Variants in PRR16 observed in about 807,000 individuals in gnomAD.
PRR16 encodes protein Largen.
In PRR16, 6 loss-of-function variants were observed where a neutral mutation model predicts 18.2. The observed-to-expected ratio is 0.33, with a 90% confidence interval of 0.18 to 0.65. PRR16 has a LOEUF of 0.65. Ranked by LOEUF, PRR16 falls within the 30% of genes least tolerant of loss-of-function variation. The pLI, the probability that PRR16 is intolerant of heterozygous loss-of-function variation, is 0.74. For synonymous variants in PRR16, 151 were observed against 147.8 expected, an observed-to-expected ratio of 1.02 and a Z score of -0.16; for missense variants, 412 against 376.6, an observed-to-expected ratio of 1.09 and a Z score of -0.78.
At chr5:120,473,232 A>G (rs1009687812) in intron 1 of PRR16, among the ~76,000 whole-genome samples, 1 of 152,180 alleles carries the variant, frequency 6.6e-6, no homozygotes, top group Non-Finnish European at 1.5e-5. Context: ...TGTTTATCCA[A>G]TTATATATAG....
chr5:120,671,115 A>G (rs898677455), intron 1 of PRR16, among the ~76,000 whole-genome samples: 1 of 152,070 alleles, frequency 6.6e-6, no homozygotes, highest in Non-Finnish European at 1.5e-5. Context: ...ATGTGCACAT[A>G]TACACACACA....
chr5:120,754,844 A>G, the PRR16 span, among the ~76,000 whole-genome samples: 1 of 151,216 alleles, frequency 6.6e-6, no homozygotes, highest in East Asian at 1.9e-4. Flanking sequence ...ATATGGATCA[A>G]AACCTCGTAG....
intron 1 of PRR16, among the ~76,000 whole-genome samples, chr5:120,666,402 A>G (rs1283059581): frequency 5.3e-5 from 8 of 152,080 alleles, no homozygotes; most frequent in African/African-American, 1.9e-4. Context: ...TGTCATCTGC[A>G]AACAGGGACA....
intron 1 of PRR16, among the ~76,000 whole-genome samples, chr5:120,660,498 T>C (rs1387931183): frequency 6.6e-6 from 1 of 152,112 alleles, no homozygotes; most frequent in Non-Finnish European, 1.5e-5. Context: ...TTTTAAATTA[T>C]GAACACTTTT....
chr5:120,780,790 C>T, the PRR16 span, among the ~76,000 whole-genome samples: 3 of 152,168 alleles, frequency 2.0e-5, no homozygotes, highest in Non-Finnish European at 2.9e-5. Context: ...CGGGCTCAAG[C>T]CTGTAATCCC....
At chr5:120,489,842 G>T (rs1460007814) in intron 1 of PRR16, among the ~76,000 whole-genome samples, 1 of 152,106 alleles carries the variant, frequency 6.6e-6, no homozygotes, top group African/African-American at 2.4e-5. Context: ...TTTAGGGCAG[G>T]CCTGGTGGTG....
the PRR16 span, among the ~76,000 whole-genome samples, chr5:120,776,764 A>G: frequency 6.6e-6 from 1 of 152,078 alleles, no homozygotes; most frequent in Non-Finnish European, 1.5e-5. Flanking sequence ...CTCTCATATC[A>G]AAATTTGCAG....
chr5:120,793,659 A>G, the PRR16 span, among the ~76,000 whole-genome samples: 3 of 152,204 alleles, frequency 2.0e-5, no homozygotes, highest in African/African-American at 7.2e-5. Flanking sequence ...AGAATAAAAC[A>G]GTACGAAGAG....
At position 120,686,341 on chromosome 5, in the gene PRR16, C is replaced by G; in HGVS notation, c.547C>G (p.Pro183Ala). The G allele has an allele frequency of 6.2e-7, 1 of 1,614,158 alleles. No homozygotes were observed. The highest frequency in any genetic ancestry group is 8.5e-7 in the Non-Finnish European group (1 of 1,180,020). Reference sequence around the variant, plus strand: ...ACCCAACAGTAACTTGGACAAGGCTCCAGTCCAGCTTCTGATGCATAGACC... The same window carrying G: ...ACCCAACAGTAACTTGGACAAGGCTGCAGTCCAGCTTCTGATGCATAGACC... Reference protein sequence around the residue: ...CIPNSNLDKAPVQLLMHRPEK... With the variant: ...CIPNSNLDKAAVQLLMHRPEK... The change falls in exon 2 of 2, where the codon CCA becomes GCA. Residue 183 changes from proline (P) to alanine (A), a missense_variant. Transcript: ENST00000407149.
At chr5:120,728,874 T>C in the PRR16 span, among the ~76,000 whole-genome samples, 1 of 152,176 alleles carries the variant, frequency 6.6e-6, no homozygotes, top group African/African-American at 2.4e-5. Flanking sequence ...CAAGGCTATA[T>C]GCATTTTCAA....
At chr5:120,541,725 T>C (rs946915132) in intron 1 of PRR16, among the ~76,000 whole-genome samples, 2 of 152,188 alleles carry the variant, frequency 1.3e-5, no homozygotes, top group Non-Finnish European at 2.9e-5. Flanking sequence ...AGTTAGTCTT[T>C]GGAAAGAATT....
At chr5:120,620,997 A>T (rs1440156275) in intron 1 of PRR16, among the ~76,000 whole-genome samples, 1 of 152,122 alleles carries the variant, frequency 6.6e-6, no homozygotes. Flanking sequence ...TATGTCAGTA[A>T]ATCACTCCCT....
intron 1 of PRR16, among the ~76,000 whole-genome samples, chr5:120,563,147 A>G (rs905671459): frequency 1.4e-4 from 21 of 152,046 alleles, no homozygotes; most frequent in African/African-American, 4.6e-4. Flanking sequence ...TTTGCCAGCT[A>G]TATTATTCTA....
At chr5:120,654,447 T>A (rs1755898950) in intron 1 of PRR16, among the ~76,000 whole-genome samples, 2 of 151,910 alleles carry the variant, frequency 1.3e-5, no homozygotes, top group African/African-American at 4.8e-5. Flanking sequence ...AACAAACTAC[T>A]TGACACATAA....
chr5:120,558,153 A>G (rs1752474111), intron 1 of PRR16, among the ~76,000 whole-genome samples: 1 of 151,902 alleles, frequency 6.6e-6, no homozygotes, highest in Non-Finnish European at 1.5e-5. Flanking sequence ...TAATCCAATT[A>G]TACTCTTTTA....
At position 120,595,264 on chromosome 5, in the gene PRR16, A is replaced by G. The variant is rs1753762912; in HGVS notation, c.160-90690A>G. On this transcript the variant is annotated intron_variant, in intron 1 of 1. Transcript: ENST00000407149. The stretch of plus-strand genomic sequence containing the variant: ...CAAGCAAAATCAAACAATCTCATTA[A>G]AAAGTGGGCAAATAGCATGAATAGA... Among the ~76,000 whole-genome samples the G allele has an allele frequency of 3.3e-5, 5 of 152,158 alleles. No individual in the cohort carries two copies. In the South Asian group the frequency reaches 1.0e-3, roughly 32 times the overall value.
the PRR16 span, among the ~76,000 whole-genome samples, chr5:120,759,571 A>C: frequency 6.6e-6 from 1 of 152,264 alleles, no homozygotes; most frequent in Middle Eastern, 3.4e-3. Flanking sequence ...GTCTTTAGAA[A>C]GAGTAATTAA....
In PRR16 at chr5:120,542,506, A is replaced by G. The variant is rs145482295; in HGVS notation, c.159+77861A>G. Reference sequence around the variant, plus strand: ...TAATATTAACAAAACTCCAAACTCTATTTGGAATTTACCAGTTTTTCCATT... The same window carrying G: ...TAATATTAACAAAACTCCAAACTCTGTTTGGAATTTACCAGTTTTTCCATT... On this transcript the variant is annotated intron_variant, in intron 1 of 1. Transcript: ENST00000407149. Among the ~76,000 whole-genome samples, 1,129 of 152,258 alleles carry G rather than the reference A, an allele frequency of 7.4e-3. 6 individuals are homozygous for G. Among genetic ancestry groups the G allele is most frequent in the Non-Finnish European group, 0.012 (803 of 68,000 alleles).
At chr5:120,761,872 C>T in the PRR16 span, among the ~76,000 whole-genome samples, 2 of 152,062 alleles carry the variant, frequency 1.3e-5, no homozygotes, top group African/African-American at 4.8e-5. Flanking sequence ...TTACCTCCCC[C>T]CAAAAACATA....
Sources: gnomAD v4.1 joint callset for allele counts (sites outside exome capture counted in the v4.1 genomes callset) on GRCh38, gnomAD v4.1.1 for gene constraint, MANE v1.5 for transcripts, NCBI Gene and HGNC (gene_info 2026-07-23, HGNC 2026-07-21) for gene names.